Variants in SRRM4 observed in about 807,000 individuals in gnomAD.
SRRM4 encodes serine/arginine repetitive matrix 4.
SRRM4 carries 33 observed loss-of-function variants against 68.9 expected under a neutral mutation model. The observed-to-expected ratio is 0.48, with a 90% CI of 0.36 to 0.64. SRRM4 has a LOEUF of 0.64. SRRM4 is among the 30% of genes least tolerant of loss of function. The probability of loss-of-function intolerance (pLI) is 0.00; values close to 1 mark genes in which losing one functional copy is unlikely to be tolerated. For missense variants in SRRM4, 817 were observed against 827.1 expected, an observed-to-expected ratio of 0.99 and a Z score of 0.15; for synonymous variants, 318 against 318.8, an observed-to-expected ratio of 1.00 and a Z score of 0.03.
intron 6 of SRRM4, chr12:119,124,126 C>T (rs1391578852): frequency 6.6e-6 from 1 of 152,058 alleles, no homozygotes; most frequent in Non-Finnish European, 1.5e-5. Flanking sequence ...TAGATGAATC[C>T]CTTTAAGAAA....
chr12:119,114,236 G>A, intron 2 of SRRM4, 42 bp from the exon 3 acceptor site: 1 of 1,566,678 alleles, frequency 6.4e-7, no homozygotes, highest in Non-Finnish European at 8.7e-7. Context: ...GGGAGTTGGG[G>A]AACCATGAGT....
At chr12:119,044,098 C>A (rs1953689041) in intron 1 of SRRM4, among the ~76,000 whole-genome samples, 2 of 152,156 alleles carry the variant, frequency 1.3e-5, no homozygotes, top group African/African-American at 4.8e-5. Context: ...AACTCCTGAC[C>A]TCAGGTAATC....
At chr12:119,120,944 A>G (rs1954215640) in intron 5 of SRRM4, among the ~76,000 whole-genome samples, 1 of 152,252 alleles carries the variant, frequency 6.6e-6, no homozygotes, top group African/African-American at 2.4e-5. Context: ...AACAATAACC[A>G]CATCTAGAGC....
intron 1 of SRRM4, among the ~76,000 whole-genome samples, chr12:119,053,612 T>C (rs752678601): frequency 3.0e-4 from 45 of 152,300 alleles, no homozygotes; most frequent in Non-Finnish European, 5.1e-4. Context: ...ATAAAGCACA[T>C]AGTAGGGACT....
intron 1 of SRRM4, among the ~76,000 whole-genome samples, chr12:119,074,716 C>T (rs1953897854): frequency 6.6e-6 from 1 of 152,176 alleles, no homozygotes; most frequent in South Asian, 2.1e-4. Flanking sequence ...TACACAATGA[C>T]ATTTTTTAAA....
At chr12:119,003,288 T>A (rs1411520212) in intron 1 of SRRM4, among the ~76,000 whole-genome samples, 1 of 151,516 alleles carries the variant, frequency 6.6e-6, no homozygotes, top group Non-Finnish European at 1.5e-5. Context: ...GCCACCAGCG[T>A]CATCCAATCT....
chr12:119,028,878 T>G (rs1191124864), intron 1 of SRRM4, among the ~76,000 whole-genome samples: 2 of 152,200 alleles, frequency 1.3e-5, no homozygotes, highest in African/African-American at 4.8e-5. Flanking sequence ...AGAGAAACAC[T>G]GGACTTGCCA....
At chr12:119,093,286 T>C (rs958984771) in intron 1 of SRRM4, among the ~76,000 whole-genome samples, 1 of 152,250 alleles carries the variant, frequency 6.6e-6, no homozygotes, top group African/African-American at 2.4e-5. Context: ...TGCCTGCACA[T>C]AATAGATGCT....
At position 119,160,271 on chromosome 12, in the gene SRRM4, C is replaced by T. The variant is rs1171592589; in HGVS notation, c.*3473C>T. The T allele has an allele frequency of 1.4e-5, 2 of 145,540 alleles. No individual in the cohort carries two copies. Among genetic ancestry groups the T allele is most frequent in the African/African-American group, 5.4e-5 (2 of 36,722 alleles). 9.0% of individuals were successfully genotyped at this position (145,540 alleles called of 1,614,324 possible). ...TCTGCCTCTCTCTCTCTCTGTCTCT[C>T]TCTCTGTCTCTCTCTCTGTCTCTCT... On this transcript the variant is annotated 3_prime_UTR_variant, in exon 13 of 13. Coordinates refer to ENST00000267260, the MANE Select transcript of SRRM4 (RefSeq NM_194286.4).
At position 119,114,374 on chromosome 12, in the gene SRRM4, C is replaced by T. The variant is rs747176794; in HGVS notation, c.365+10C>T. ...GGAAGAAGAGAAGGAGGTAAGAGCA[C>T]CAAGAGGGAGATAAAACCTGTAAGA... On this transcript the variant is annotated intron_variant, in intron 3 of 12. Transcript: ENST00000267260. 7 of 1,597,290 alleles carry T rather than the reference C, an allele frequency of 4.4e-6. No individual in the cohort carries two copies. Among genetic ancestry groups the T allele is most frequent in the Non-Finnish European group, 6.0e-6 (7 of 1,170,666 alleles).
rs970052679 is a variant in SRRM4, at chr12:118,981,728, G to T, written c.-155G>T. On this transcript the variant is annotated 5_prime_UTR_variant, in exon 1 of 13. Coordinates refer to ENST00000267260, the MANE Select transcript of SRRM4 (RefSeq NM_194286.4). ...CTCTGCTGCCTGCCCGGGCTGGGGC[G>T]TCCCATCCCCCGCCCTGAACTCCGA... 2.6e-6 allele frequency: 2 copies of T among 780,028 alleles called. No individual in the cohort carries two copies. The highest frequency in any genetic ancestry group is 4.0e-6 in the Non-Finnish European group (2 of 502,388). The allele number at this position is 780,028 out of a possible 1,614,324, so 48.3% of individuals were successfully genotyped here. A position where few individuals can be genotyped will look rare whatever the true frequency, so the allele number is the denominator to read the frequency against.
intron 1 of SRRM4, among the ~76,000 whole-genome samples, chr12:118,998,464 T>C (rs572815515): frequency 6.6e-6 from 1 of 152,156 alleles, no homozygotes; most frequent in Non-Finnish European, 1.5e-5. Context: ...ATGCATACTA[T>C]GTATTTATCT....
rs540810690 is a variant in SRRM4, at chr12:118,996,886, G to A, written c.131+14873G>A. Among the ~76,000 whole-genome samples the A allele has an allele frequency of 2.0e-5, 3 of 152,286 alleles. No homozygotes were observed. The East Asian group carries it at 5.8e-4, about 29-fold the overall frequency. On this transcript the variant is annotated intron_variant, in intron 1 of 12. Coordinates refer to ENST00000267260, the MANE Select transcript of SRRM4 (RefSeq NM_194286.4). ...TGTTTTCCTGCTTCTCAGTTTCTAGGTGATTACTTCAGTGGAAGTCCATTC... is the reference window on the plus strand; with the variant it reads ...TGTTTTCCTGCTTCTCAGTTTCTAGATGATTACTTCAGTGGAAGTCCATTC...
At chr12:119,101,936 T>C (rs1270977367) in intron 1 of SRRM4, among the ~76,000 whole-genome samples, 3 of 152,292 alleles carry the variant, frequency 2.0e-5, no homozygotes, top group Non-Finnish European at 4.4e-5. Context: ...TCTTGCAAAG[T>C]CTGATGTGGT....
chr12:119,156,051 T>C (rs1317062585), intron 12 of SRRM4, among the ~76,000 whole-genome samples: 4 of 152,242 alleles, frequency 2.6e-5, no homozygotes, highest in African/African-American at 9.6e-5. Flanking sequence ...TCAACTGTAC[T>C]ATTCTTAATT....
intron 2 of SRRM4, among the ~76,000 whole-genome samples, chr12:119,110,302 G>A (rs189753677): frequency 1.2e-4 from 19 of 152,296 alleles, no homozygotes; most frequent in South Asian, 6.2e-4. Flanking sequence ...CAGTCTGTCC[G>A]TTTGCAGATC....
At chr12:119,108,581 G>C (rs1391308926) in intron 2 of SRRM4, among the ~76,000 whole-genome samples, 1 of 151,682 alleles carries the variant, frequency 6.6e-6, no homozygotes, top group Non-Finnish European at 1.5e-5. Flanking sequence ...GGCCTTCTTT[G>C]TCTCTTTTGA....
At chr12:119,018,660 A>C (rs887675617) in intron 1 of SRRM4, among the ~76,000 whole-genome samples, 2 of 152,214 alleles carry the variant, frequency 1.3e-5, no homozygotes, top group Non-Finnish European at 2.9e-5. Flanking sequence ...ATTTGTTCAG[A>C]TACCTGAAGA....
chr12:118,987,250 G>A (rs1007060862), intron 1 of SRRM4, among the ~76,000 whole-genome samples: 1 of 152,132 alleles, frequency 6.6e-6, no homozygotes, highest in African/African-American at 2.4e-5. Flanking sequence ...AAAGAGCATG[G>A]CACTGTGCCT....
Sources: allele counts gnomAD v4.1 joint callset (sites outside exome capture counted in the v4.1 genomes callset), GRCh38; gene constraint gnomAD v4.1.1; transcripts MANE v1.5; gene names NCBI Gene and HGNC (gene_info 2026-07-23, HGNC 2026-07-21).